The following PLCB1 variants were observed in gnomAD, a reference collection of about 807,000 sequenced individuals.
PLCB1 encodes phospholipase C beta 1, also known as 1-phosphatidylinositol 4,5-bisphosphate phosphodiesterase beta-1.
In PLCB1, 46 loss-of-function variants were observed where a neutral mutation model predicts 161.8. The observed-to-expected ratio is 0.28, with a 90% CI of 0.22 to 0.36. The LOEUF is 0.36. Among genes scored for constraint, PLCB1 ranks in the 10% least tolerant of loss-of-function variants. The pLI, the probability that PLCB1 is intolerant of heterozygous loss-of-function variation, is 1.00. For missense variants in PLCB1, 1,016 were observed against 1,472.5 expected, an observed-to-expected ratio of 0.69 and a Z score of 5.07; for synonymous variants, 517 against 503.7, an observed-to-expected ratio of 1.03 and a Z score of -0.35.
chr20:8,326,837 AG>A (rs1423240700), intron 2 of PLCB1, among the ~76,000 whole-genome samples: 8 of 152,332 alleles, frequency 5.3e-5, no homozygotes. Flanking sequence ...GAATGTTGAC[AG>A]GGCTGCTTTC....
At chr20:8,354,703 C>A (rs1289856658) in intron 2 of PLCB1, among the ~76,000 whole-genome samples, 1 of 152,164 alleles carries the variant, frequency 6.6e-6, no homozygotes, top group East Asian at 1.9e-4. Context: ...TATTAATGGA[C>A]TGGCATTTAG....
chr20:8,534,154 G>A lies in PLCB1; in HGVS notation c.247-94140G>A, dbSNP rs1250828661. The stretch of plus-strand genomic sequence containing the variant: ...ATCTCACTCTGTCATCCATGCTGCT[G>A]TGCAGTGGTGCAATCACAGCTCAGT... On this transcript the variant is annotated intron_variant, in intron 3 of 31. Coordinates refer to ENST00000338037, the MANE Select transcript of PLCB1 (RefSeq NM_015192.4). 5.3e-5 allele frequency among the ~76,000 whole-genome samples: 8 copies of A among 152,256 alleles called. No individual in the cohort carries two copies. In the East Asian group the frequency reaches 9.7e-4, roughly 18 times the overall value.
chr20:8,330,809 A>G (rs1985338765), intron 2 of PLCB1, among the ~76,000 whole-genome samples: 1 of 152,198 alleles, frequency 6.6e-6, no homozygotes, highest in Non-Finnish European at 1.5e-5. Flanking sequence ...CACCTACAAC[A>G]TTAGCATCTA....
intron 2 of PLCB1, among the ~76,000 whole-genome samples, chr20:8,173,674 C>T (rs1023968493): frequency 2.0e-5 from 3 of 152,128 alleles, no homozygotes; most frequent in African/African-American, 7.2e-5. Flanking sequence ...CAAGATGGAT[C>T]AGATTTTGGA....
At chr20:8,845,290 C>A (rs1297765062) in intron 31 of PLCB1, among the ~76,000 whole-genome samples, 1 of 152,008 alleles carries the variant, frequency 6.6e-6, no homozygotes, top group Non-Finnish European at 1.5e-5. Context: ...CATATTAGAT[C>A]TGTTAATTTT....
At position 8,630,854 on chromosome 20, in the gene PLCB1, A is replaced by G. The variant is rs528287033; in HGVS notation, c.384+2423A>G. Among the ~76,000 whole-genome samples the G allele has an allele frequency of 5.3e-5, 8 of 152,272 alleles. No individual in the cohort carries two copies. In the East Asian group the frequency reaches 1.5e-3, roughly 29 times the overall value. ...ATTAAGCCTTTGTGCAGTCCTATCT[A>G]AAATATATTTAATTTCCTCTTCTCT... On this transcript the variant is annotated intron_variant, in intron 4 of 31. Coordinates refer to ENST00000338037, the MANE Select transcript of PLCB1 (RefSeq NM_015192.4).
intron 3 of PLCB1, among the ~76,000 whole-genome samples, chr20:8,411,482 A>C (rs1979040242): frequency 6.6e-6 from 1 of 152,224 alleles, no homozygotes; most frequent in Non-Finnish European, 1.5e-5. Context: ...TATAAGAATT[A>C]CAGCCTAACT....
intron 4 of PLCB1, among the ~76,000 whole-genome samples, chr20:8,632,863 G>A (rs540520177): frequency 5.3e-5 from 8 of 152,158 alleles, no homozygotes; most frequent in Admixed American, 2.6e-4. Flanking sequence ...GATGGCATAG[G>A]CTTTTGAAGG....
intron 3 of PLCB1, among the ~76,000 whole-genome samples, chr20:8,486,527 C>T (rs940870849): frequency 5.6e-5 from 7 of 125,620 alleles, no homozygotes; most frequent in Non-Finnish European, 9.3e-5. Flanking sequence ...CTCGCTCTGT[C>T]GCCCAGGCCG....
At chr20:8,873,638 G>A (rs760393710) in intron 31 of PLCB1, among the ~76,000 whole-genome samples, 20 of 151,966 alleles carry the variant, frequency 1.3e-4, no homozygotes, top group East Asian at 3.9e-4. Flanking sequence ...TTTCAAAGTC[G>A]TTTTGTATTC....
intron 3 of PLCB1, among the ~76,000 whole-genome samples, chr20:8,459,455 A>G: frequency 6.6e-6 from 1 of 152,196 alleles, no homozygotes; most frequent in East Asian, 1.9e-4. Flanking sequence ...TATTGGTGTT[A>G]CCAGGTAATA....
intron 3 of PLCB1, among the ~76,000 whole-genome samples, chr20:8,499,272 G>A (rs144099551): frequency 6.6e-6 from 1 of 152,216 alleles, no homozygotes; most frequent in East Asian, 1.9e-4. Flanking sequence ...TACAAGTATT[G>A]CTTTTTTCTT....
intron 31 of PLCB1, among the ~76,000 whole-genome samples, chr20:8,855,491 A>T (rs1304455454): frequency 2.6e-5 from 4 of 152,196 alleles, no homozygotes; most frequent in Non-Finnish European, 2.9e-5. Context: ...ATGTGCTGTG[A>T]TGAATCACCT....
chr20:8,393,992 T>C (rs542864691), intron 3 of PLCB1, among the ~76,000 whole-genome samples: 59 of 152,306 alleles, frequency 3.9e-4, no homozygotes, highest in African/African-American at 1.4e-3. Context: ...TATTATATTA[T>C]GATGTTTTGA....
At position 8,463,146 on chromosome 20, in the gene PLCB1, AGTGTGT is replaced by A. The variant is rs11472638; in HGVS notation, c.246+91727_246+91732del. Among the ~76,000 whole-genome samples, 457 of 144,660 alleles carry A rather than the reference AGTGTGT, an allele frequency of 3.2e-3. 1 individual carries two copies. Among genetic ancestry groups the A allele is most frequent in the African/African-American group, 4.3e-3 (169 of 39,032 alleles). 94.9% of individuals were successfully genotyped at this position (144,660 alleles called of 152,430 possible). A position where few individuals can be genotyped will look rare whatever the true frequency, so the allele number is the denominator to read the frequency against. On this transcript the variant is annotated intron_variant, in intron 3 of 31. Coordinates refer to ENST00000338037, the MANE Select transcript of PLCB1 (RefSeq NM_015192.4). ...GGATCAGTCTGACCTAGTACAGAGC[AGTGTGT>A]GTGTGTGTGTGTGTGTGTGTGTGTG...
At chr20:8,813,084 A>G (rs902931549) in intron 31 of PLCB1, among the ~76,000 whole-genome samples, 3 of 152,142 alleles carry the variant, frequency 2.0e-5, no homozygotes, top group Non-Finnish European at 2.9e-5. Context: ...TTTCCTGGAC[A>G]CCGCGTCCTC....
chr20:8,805,623 G>T (rs866753313), intron 31 of PLCB1, among the ~76,000 whole-genome samples: 1 of 152,178 alleles, frequency 6.6e-6, no homozygotes, highest in Admixed American at 6.5e-5. Flanking sequence ...CACCTTTAAA[G>T]CACATAACAT....
intron 2 of PLCB1, among the ~76,000 whole-genome samples, chr20:8,288,904 C>T (rs1046915076): frequency 2.0e-5 from 3 of 152,120 alleles, no homozygotes; most frequent in Non-Finnish European, 4.4e-5. Flanking sequence ...TATCTGTCTC[C>T]TTTCCACTAG....
At chr20:8,387,628 G>C (rs1187725556) in intron 3 of PLCB1, among the ~76,000 whole-genome samples, 3 of 152,120 alleles carry the variant, frequency 2.0e-5, no homozygotes, top group South Asian at 2.1e-4. Context: ...CAACAGACTT[G>C]CTGGACTCAG....
Sources: allele counts gnomAD v4.1 joint callset (sites outside exome capture counted in the v4.1 genomes callset), GRCh38; gene constraint gnomAD v4.1.1; transcripts MANE v1.5; gene names NCBI Gene and HGNC (gene_info 2026-07-23, HGNC 2026-07-21).